The following EYS variants were observed in gnomAD, a reference collection of about 807,000 sequenced individuals.
EYS encodes the protein protein eyes shut homolog.
In EYS, 250 loss-of-function variants were observed where a neutral mutation model predicts 282.1. That is an observed-to-expected ratio of 0.89 (90% CI 0.80 to 0.98). The LOEUF (loss-of-function observed/expected upper bound fraction) is 0.98, where lower values mean the gene tolerates loss of function less well. EYS is among the 50% of genes least tolerant of loss of function. The pLI, the probability that EYS is intolerant of heterozygous loss-of-function variation, is 0.00. For synonymous variants in EYS, 1,355 were observed against 1,282.9 expected, an observed-to-expected ratio of 1.06 and a Z score of -1.20; for missense variants, 4,016 against 3,709.0, an observed-to-expected ratio of 1.08 and a Z score of -2.15.
intron 26 of EYS, among the ~76,000 whole-genome samples, chr6:64,440,847 A>C (rs1461716379): frequency 6.6e-6 from 1 of 152,184 alleles, no homozygotes; most frequent in Non-Finnish European, 1.5e-5. Context: ...GGGGGTCTTC[A>C]AAAAGTTCAC....
intron 29 of EYS, among the ~76,000 whole-genome samples, chr6:64,370,291 AT>A (rs1042022336): frequency 6.6e-6 from 1 of 151,410 alleles, no homozygotes; most frequent in African/African-American, 2.4e-5. Flanking sequence ...CCATGTGGTT[AT>A]TTTTAATTCT....
intron 12 of EYS, among the ~76,000 whole-genome samples, chr6:65,195,149 T>A (rs188554048): frequency 3.9e-5 from 6 of 152,186 alleles, no homozygotes; most frequent in Non-Finnish European, 7.4e-5. Context: ...GCTCCTGCTC[T>A]AAAATAATTG....
intron 31 of EYS, among the ~76,000 whole-genome samples, chr6:64,224,840 T>A (rs1489887032): frequency 6.6e-6 from 1 of 152,130 alleles, no homozygotes; most frequent in Admixed American, 6.6e-5. Flanking sequence ...GAATGATTTT[T>A]TTTTTGTGTT....
At position 65,274,749 on chromosome 6, in the gene EYS, T is replaced by C. The variant is rs141903492; in HGVS notation, c.2023+21114A>G. ...AGAAGTAGCAACTACTCTGGACCAA[T>C]TGGTAAGACATTTACATATCAGAGG... On this transcript the variant is annotated intron_variant, in intron 12 of 42. Coordinates refer to ENST00000503581, the MANE Select transcript of EYS (RefSeq NM_001142800.2). 2.7e-3 allele frequency among the ~76,000 whole-genome samples: 418 copies of C among 152,188 alleles called. 2 individuals carry two copies. The highest frequency in any genetic ancestry group is 6.7e-3 in the Admixed American group (102 of 15,270).
chr6:65,555,603 T>A (rs560860629), intron 2 of EYS, among the ~76,000 whole-genome samples: 1 of 152,298 alleles, frequency 6.6e-6, no homozygotes, highest in Non-Finnish European at 1.5e-5. Context: ...TTGTGATTAC[T>A]TACAGAAGCT....
At chr6:65,091,694 C>T (rs771477912) in intron 12 of EYS, among the ~76,000 whole-genome samples, 1 of 152,080 alleles carries the variant, frequency 6.6e-6, no homozygotes, top group Non-Finnish European at 1.5e-5. Context: ...ATGGCTGTGG[C>T]TTCTGTCTGG....
chr6:64,879,040 C>T (rs1042410133), intron 19 of EYS, among the ~76,000 whole-genome samples: 6 of 152,044 alleles, frequency 3.9e-5, no homozygotes, highest in African/African-American at 1.4e-4. Context: ...ATTTAGAGCA[C>T]GGTAGAAAAA....
At chr6:65,428,637 C>G (rs749479409) in intron 5 of EYS, among the ~76,000 whole-genome samples, 1 of 152,100 alleles carries the variant, frequency 6.6e-6, no homozygotes, top group African/African-American at 2.4e-5. Flanking sequence ...ACCACTTCGA[C>G]GCATAAAATT....
At chr6:64,523,694 G>T (rs1777828829) in intron 26 of EYS, among the ~76,000 whole-genome samples, 1 of 151,582 alleles carries the variant, frequency 6.6e-6, no homozygotes, top group African/African-American at 2.4e-5. Flanking sequence ...AGAAAGAAAG[G>T]ACTCAGGAAA....
At chr6:64,412,470 T>A (rs555007395) in intron 28 of EYS, among the ~76,000 whole-genome samples, 32 of 152,086 alleles carry the variant, frequency 2.1e-4, no homozygotes, top group Non-Finnish European at 3.8e-4. Context: ...AGATGAATAT[T>A]GGGGTTGGTA....
intron 18 of EYS, among the ~76,000 whole-genome samples, chr6:64,895,972 G>A (rs6932287): frequency 0.56 from 84,377 of 151,798 alleles, 24,137 homozygotes; most frequent in Non-Finnish European, 0.61. Context: ...ATTAATTCAA[G>A]TATATTAAAA....
In EYS at chr6:65,536,324, A is replaced by AT. The variant is rs71864647; in HGVS notation, c.-332-40332dup. On this transcript the variant is annotated intron_variant, in intron 2 of 42. Coordinates refer to ENST00000503581, the MANE Select transcript of EYS (RefSeq NM_001142800.2). ...AAGTGGTTGAGAAGGAGTAGCAGAG[A>AT]TTTTTTTTTTTTTTCAGGTAGACAG... Among the ~76,000 whole-genome samples, 543 of 145,928 alleles carry AT rather than the reference A, an allele frequency of 3.7e-3. 2 individuals are homozygous for AT. Among genetic ancestry groups the AT allele is most frequent in the East Asian group, 9.6e-3 (48 of 4,996 alleles).
At chr6:64,760,404 G>T (rs1314944412) in intron 22 of EYS, among the ~76,000 whole-genome samples, 1 of 152,086 alleles carries the variant, frequency 6.6e-6, no homozygotes, top group Non-Finnish European at 1.5e-5. Flanking sequence ...CAGGAGGGTT[G>T]GTCATCCTGT....
chr6:63,994,460 CGAGA>C (rs1224773941), intron 34 of EYS, among the ~76,000 whole-genome samples: 1 of 151,838 alleles, frequency 6.6e-6, no homozygotes, highest in Non-Finnish European at 1.5e-5. Context: ...AACTGAGAGA[CGAGA>C]GACCCTGAAA....
At chr6:63,861,011 T>C (rs1772518203) in intron 36 of EYS, among the ~76,000 whole-genome samples, 1 of 152,240 alleles carries the variant, frequency 6.6e-6, no homozygotes, top group African/African-American at 2.4e-5. Context: ...TTTATTTTAA[T>C]GATTCCCCTG....
chr6:64,458,109 CA>C, intron 26 of EYS, among the ~76,000 whole-genome samples: 1 of 152,126 alleles, frequency 6.6e-6, no homozygotes, highest in South Asian at 2.1e-4. Flanking sequence ...CATGATGTCA[CA>C]AGTTACATTT....
intron 19 of EYS, among the ~76,000 whole-genome samples, chr6:64,840,777 A>G (rs1272793945): frequency 1.3e-5 from 2 of 152,142 alleles, no homozygotes; most frequent in African/African-American, 4.8e-5. Context: ...CCCATTAAAT[A>G]TGATCTTTAT....
chr6:64,455,982 T>C (rs984784793), intron 26 of EYS, among the ~76,000 whole-genome samples: 3 of 152,154 alleles, frequency 2.0e-5, no homozygotes, highest in Admixed American at 1.3e-4. Flanking sequence ...TCTGATGGTA[T>C]GTACACATAT....
chr6:64,390,894 T>A (rs1182578113), intron 28 of EYS, among the ~76,000 whole-genome samples: 3 of 145,620 alleles, frequency 2.1e-5, no homozygotes, highest in African/African-American at 7.6e-5. Context: ...TAGAAGAATG[T>A]ATAACTAGAA....
Sources: gnomAD v4.1 joint callset for allele counts (sites outside exome capture counted in the v4.1 genomes callset) on GRCh38, gnomAD v4.1.1 for gene constraint, MANE v1.5 for transcripts, NCBI Gene and HGNC (gene_info 2026-07-23, HGNC 2026-07-21) for gene names.